DLC1: variants seen among roughly 807,000 people sequenced by gnomAD.
The protein encoded by DLC1 is rho GTPase-activating protein 7.
In DLC1, 54 loss-of-function variants were observed where a neutral mutation model predicts 140.3. That is an observed-to-expected ratio of 0.38 (90% CI 0.31 to 0.48). The LOEUF is 0.48. DLC1 is among the 20% of genes least tolerant of loss of function. The pLI, the probability that DLC1 is intolerant of heterozygous loss-of-function variation, is 0.96. For missense variants in DLC1, 2,536 were observed against 1,907.0 expected (o/e 1.33, Z -6.14); for synonymous variants, 986 against 728.1 (o/e 1.35, Z -5.70).
intron 4 of DLC1, among the ~76,000 whole-genome samples, chr8:13,392,350 T>C (rs2117209836): frequency 6.6e-6 from 1 of 152,308 alleles, no homozygotes; most frequent in South Asian, 2.1e-4. Context: ...GTTCAATAAA[T>C]ATTTATTCCA....
chr8:13,498,996 C>A lies in DLC1; in HGVS notation c.1023+53G>T, dbSNP rs772823006. 9 of 1,521,128 alleles carry A rather than the reference C, an allele frequency of 5.9e-6. No homozygotes were observed. In the East Asian group the frequency reaches 6.8e-5, roughly 11 times the overall value. The allele number at this position is 1,521,128 out of a possible 1,614,324, so 94.2% of individuals were successfully genotyped here. On this transcript the variant is annotated intron_variant, in intron 2 of 17. Coordinates refer to ENST00000276297, the MANE Select transcript of DLC1 (RefSeq NM_182643.3). ...CCAAGCAAAATGATAACTGATAAAT[C>A]CAAGGATATTTACAAAATTTCAAAA...
chr8:13,299,791 T>G (rs1175779601), intron 5 of DLC1, among the ~76,000 whole-genome samples: 1 of 152,108 alleles, frequency 6.6e-6, no homozygotes, highest in Non-Finnish European at 1.5e-5. Context: ...AGAATTGCTG[T>G]CACAATTTGG....
intron 5 of DLC1, chr8:13,276,654 A>C (rs1044796696): frequency 8.8e-7 from 1 of 1,140,772 alleles, no homozygotes; most frequent in Non-Finnish European, 1.1e-6. Flanking sequence ...CAGCACAGCT[A>C]TCCGGAGGCG....
chr8:13,213,290 G>T (rs572384211), intron 5 of DLC1, among the ~76,000 whole-genome samples: 2 of 152,128 alleles, frequency 1.3e-5, no homozygotes, highest in Non-Finnish European at 2.9e-5. Context: ...GCACAGTTGT[G>T]CATTATACAC....
At chr8:13,114,962 T>C (rs960897500) in intron 6 of DLC1, among the ~76,000 whole-genome samples, 3 of 152,210 alleles carry the variant, frequency 2.0e-5, no homozygotes, top group African/African-American at 7.2e-5. Context: ...TACCCAGTAA[T>C]TCTGTTCCTA....
chr8:13,517,159 T>C (rs1053185677), upstream of DLC1, among the ~76,000 whole-genome samples: 13 of 152,304 alleles, frequency 8.5e-5, no homozygotes, highest in Middle Eastern at 3.4e-3. Context: ...TGATATTATG[T>C]CTTTCCTAAT....
chr8:13,372,632 C>G (rs114103403), intron 4 of DLC1, among the ~76,000 whole-genome samples: 1,868 of 152,252 alleles, frequency 0.012, 48 homozygotes, highest in African/African-American at 0.04. Context: ...CTGTCATATT[C>G]TAACTAAGCG....
At chr8:13,468,841 A>ATTTTT (rs1585160821) in intron 2 of DLC1, among the ~76,000 whole-genome samples, 1 of 64,192 alleles carries the variant, frequency 1.6e-5, no homozygotes, top group Non-Finnish European at 2.9e-5. Flanking sequence ...TTTTTTTTTA[A>ATTTTT]GATGGAGTCT....
chr8:13,354,274 T>C (rs765453576), intron 4 of DLC1, among the ~76,000 whole-genome samples: 1 of 152,114 alleles, frequency 6.6e-6, no homozygotes, highest in African/African-American at 2.4e-5. Context: ...CTGCAGAAAT[T>C]TGTACTTCTG....
chr8:13,218,102 C>G (rs963323502), intron 5 of DLC1, among the ~76,000 whole-genome samples: 1 of 152,082 alleles, frequency 6.6e-6, no homozygotes, highest in Non-Finnish European at 1.5e-5. Flanking sequence ...AACTAAAATG[C>G]TATCCACTAG....
At chr8:13,161,763 A>C (rs544700436) in intron 5 of DLC1, among the ~76,000 whole-genome samples, 2 of 152,288 alleles carry the variant, frequency 1.3e-5, no homozygotes, top group South Asian at 4.1e-4. Context: ...CTTTTCTGAG[A>C]TGCTACAGAA....
chr8:13,189,961 A>C (rs1826651081), intron 5 of DLC1, among the ~76,000 whole-genome samples: 1 of 152,050 alleles, frequency 6.6e-6, no homozygotes, highest in South Asian at 2.1e-4. Flanking sequence ...GAGAGAGCCC[A>C]GCGCATGGAC....
At chr8:13,564,942 C>G (rs1221436212) in intron 1 of DLC1, among the ~76,000 whole-genome samples, 1 of 152,182 alleles carries the variant, frequency 6.6e-6, no homozygotes, top group Non-Finnish European at 1.5e-5. Flanking sequence ...GCTTGGTCCA[C>G]AAAGCATTTT....
At chr8:13,125,831 GAA>G (rs1821512575) in intron 5 of DLC1, among the ~76,000 whole-genome samples, 1 of 151,772 alleles carries the variant, frequency 6.6e-6, no homozygotes, top group South Asian at 2.1e-4. Flanking sequence ...GAAAGGAGGG[GAA>G]AAAGGACCCA....
intron 13 of DLC1, among the ~76,000 whole-genome samples, chr8:13,091,731 G>A (rs980708797): frequency 6.6e-6 from 1 of 152,122 alleles, no homozygotes; most frequent in East Asian, 1.9e-4. Flanking sequence ...TTTGCATGGT[G>A]GGGGAGCAAC....
chr8:13,371,358 C>G (rs1835718530), intron 4 of DLC1, among the ~76,000 whole-genome samples: 1 of 152,116 alleles, frequency 6.6e-6, no homozygotes, highest in Non-Finnish European at 1.5e-5. Context: ...CCAAAATGCA[C>G]ATATGTTTTT....
At chr8:13,373,785 G>A (rs1203556586) in intron 4 of DLC1, among the ~76,000 whole-genome samples, 7 of 151,950 alleles carry the variant, frequency 4.6e-5, no homozygotes, top group African/African-American at 1.7e-4. Context: ...CTTTAAAAGA[G>A]GCTAGTTCAA....
chr8:13,424,687 C>G (rs1039508121), intron 2 of DLC1, among the ~76,000 whole-genome samples: 1 of 151,916 alleles, frequency 6.6e-6, no homozygotes, highest in Admixed American at 6.6e-5. Flanking sequence ...ACTCTCCTGC[C>G]TTAGCCCCCT....
chr8:13,365,940 C>A (rs988684927), intron 4 of DLC1, among the ~76,000 whole-genome samples: 11 of 152,154 alleles, frequency 7.2e-5, no homozygotes, highest in Admixed American at 6.6e-4. Context: ...AAAATGCTTT[C>A]ATCTTCCGCA....
Sources: gnomAD v4.1 joint callset for allele counts (sites outside exome capture counted in the v4.1 genomes callset) on GRCh38, gnomAD v4.1.1 for gene constraint, MANE v1.5 for transcripts, NCBI Gene and HGNC (gene_info 2026-07-23, HGNC 2026-07-21) for gene names.